Variants in ZNF778 observed in about 807,000 individuals in gnomAD.
The protein encoded by ZNF778 is zinc finger protein 778.
In ZNF778, 37 loss-of-function variants were observed where a neutral mutation model predicts 23.9. That is an observed-to-expected ratio of 1.54 (90% CI 1.19 to 2.03). The LOEUF (loss-of-function observed/expected upper bound fraction) is 2.03. ZNF778 is among the 30% of genes most tolerant of loss of function. The pLI, the probability that ZNF778 is intolerant of heterozygous loss-of-function variation, is 0.00. For missense variants in ZNF778, 1,297 were observed against 934.4 expected, an observed-to-expected ratio of 1.39 and a Z score of -5.06; for synonymous variants, 483 against 343.9, an observed-to-expected ratio of 1.40 and a Z score of -4.48.
rs561600712 is a variant in ZNF778, at chr16:89,234,102, C to T, written c.*5540C>T. The T allele has an allele frequency of 1.1e-4, 60 of 526,820 alleles. No individual in the cohort carries two copies. The highest frequency in any genetic ancestry group is 8.1e-4 in the African/African-American group (42 of 51,604). The allele number at this position is 526,820 out of a possible 1,614,324, so 32.6% of individuals were successfully genotyped here. A position where few individuals can be genotyped will look rare whatever the true frequency, so the allele number is the denominator to read the frequency against. ...TTGGGCCCTGCCTGGAGTGATGTGCCGCCTTCTCTTGACACTGTGAGTGAT... is the reference window on the plus strand; with the variant it reads ...TTGGGCCCTGCCTGGAGTGATGTGCTGCCTTCTCTTGACACTGTGAGTGAT... On this transcript the variant is annotated 3_prime_UTR_variant, in exon 7 of 7. Transcript: ENST00000433976.
At position 89,230,093 on chromosome 16, in the gene ZNF778, G is replaced by A. The variant is rs1177411856; in HGVS notation, c.*1531G>A. 12 of 930,108 alleles carry A rather than the reference G, an allele frequency of 1.3e-5. No homozygotes were observed. The highest frequency in any genetic ancestry group is 6.2e-5 in the Admixed American group (1 of 16,198). The allele number at this position is 930,108 out of a possible 1,614,324, so 57.6% of individuals were successfully genotyped here. On this transcript the variant is annotated 3_prime_UTR_variant, in exon 7 of 7. Coordinates refer to ENST00000433976, the MANE Select transcript of ZNF778 (RefSeq NM_001201407.2). ...GTTGGTTAGTCATGCTCTTAGGCAT[G>A]ACCCACCTGTAGGGTCCCACACTGG... is the stretch of plus-strand genomic sequence containing the variant.
intron 6 of ZNF778, among the ~76,000 whole-genome samples, chr16:89,225,993 C>A (rs1169391421): frequency 6.6e-6 from 1 of 151,300 alleles, no homozygotes; most frequent in African/African-American, 2.4e-5. Flanking sequence ...CTCACTGCAA[C>A]CTCCGCCTCC....
In ZNF778 at chr16:89,229,740, A is replaced by T; in HGVS notation, c.*1178A>T. 1.0e-6 allele frequency: 1 copy of T among 982,546 alleles called. No individual in the cohort carries two copies. Among genetic ancestry groups the T allele is most frequent in the Non-Finnish European group, 1.2e-6 (1 of 829,568 alleles). 60.9% of individuals were successfully genotyped at this position (982,546 alleles called of 1,614,324 possible). On this transcript the variant is annotated 3_prime_UTR_variant, in exon 7 of 7. Coordinates refer to ENST00000433976, the MANE Select transcript of ZNF778 (RefSeq NM_001201407.2). ...AGATGTGATCCTGTGTGAGCAGCGTAGGCTCTGGTTGGTTAGTCTTGAGGA... is the reference window on the plus strand; with the variant it reads ...AGATGTGATCCTGTGTGAGCAGCGTTGGCTCTGGTTGGTTAGTCTTGAGGA...
In ZNF778 at chr16:89,230,400, C is replaced by G. The variant is rs1398271797; in HGVS notation, c.*1838C>G. The G allele has an allele frequency of 6.6e-6, 1 of 152,316 alleles. No homozygotes were observed. Among genetic ancestry groups the G allele is most frequent in the African/African-American group, 2.4e-5 (1 of 41,446 alleles). The allele number at this position is 152,316 out of a possible 1,614,324, so 9.4% of individuals were successfully genotyped here. On this transcript the variant is annotated 3_prime_UTR_variant, in exon 7 of 7. Transcript: ENST00000433976. The stretch of plus-strand genomic sequence containing the variant: ...TCCTCTTCACAGCATGCAGAGCGGT[C>G]CTGGCAGCTGCTGCAATCTGGCACT...
intron 5 of ZNF778, among the ~76,000 whole-genome samples, 165 bp from the exon 6 acceptor site, chr16:89,225,390 T>C (rs1477969801): frequency 1.3e-5 from 2 of 152,212 alleles, no homozygotes; most frequent in Non-Finnish European, 2.9e-5. Context: ...CAAATGTATT[T>C]TAAAATCTTC....
At position 89,227,973 on chromosome 16, in the gene ZNF778, T is replaced by C. The variant is rs28415940; in HGVS notation, c.1685T>C (p.Ile562Thr). The part of the protein sequence containing the change: ...VKTHTEEKPF[I>T]CTVCRKSFRN... ...ACTCACACAGAGGAGAAGCCCTTTATATGTACGGTATGCAGGAAATCCTTC... is the reference window on the plus strand; with the variant it reads ...ACTCACACAGAGGAGAAGCCCTTTACATGTACGGTATGCAGGAAATCCTTC... Residue 562 changes from isoleucine to threonine, a missense_variant, in exon 7 of 7, where the codon ATA becomes ACA. Ile to Thr is a moderately conservative substitution (Grantham distance 89, BLOSUM62 -1). Coordinates refer to ENST00000433976, the MANE Select transcript of ZNF778 (RefSeq NM_001201407.2). 0.85 allele frequency: 1,377,849 copies of C among 1,613,836 alleles called. 594,364 individuals are homozygous for C. The highest frequency in any genetic ancestry group is 0.89 in the Non-Finnish European group (1,052,106 of 1,179,926).
In ZNF778 at chr16:89,224,650, C is replaced by G. The variant is rs1382418958; in HGVS notation, c.245-69C>G. 3.6e-6 allele frequency: 4 copies of G among 1,111,536 alleles called. No homozygotes were observed. In the East Asian group the frequency reaches 1.0e-4, roughly 29 times the overall value. 68.9% of individuals were successfully genotyped at this position (1,111,536 alleles called of 1,614,324 possible). ...TAATAAAAAAAAGGAAATGTAGTTC[C>G]TGTTCACGGGTAGGTTTGTCATCCC... On this transcript the variant is annotated intron_variant, in intron 4 of 6. Transcript: ENST00000433976.
rs1479685769 is a variant in ZNF778, at chr16:89,228,180, A to C, written c.1892A>C (p.His631Pro). 5.6e-6 allele frequency: 9 copies of C among 1,613,178 alleles called. No individual in the cohort carries two copies. The South Asian group carries it at 7.7e-5, about 14-fold the overall frequency. Residue 631 changes from histidine to proline, a missense_variant, in exon 7 of 7, where the codon CAC (histidine) becomes CCC (proline). His to Pro is a moderately conservative substitution (Grantham distance 77, BLOSUM62 -2). Transcript: ENST00000433976. Reference sequence around the variant, plus strand: ...GGAAAGGCCTTCACCACATCCTCACACCTTATCGTGCACATAAGAACCCAC... The same window carrying C: ...GGAAAGGCCTTCACCACATCCTCACCCCTTATCGTGCACATAAGAACCCAC... ...VCGKAFTTSS[H>P]LIVHIRTHTG...
Position 89,230,116 on chromosome 16 carries a change from T to C in ZNF778, c.*1554T>C. 5.1e-6 allele frequency: 4 copies of C among 787,752 alleles called. No individual in the cohort carries two copies. Among genetic ancestry groups the C allele is most frequent in the Non-Finnish European group, 6.1e-6 (4 of 650,814 alleles). The allele number at this position is 787,752 out of a possible 1,614,324, so 48.8% of individuals were successfully genotyped here. On this transcript the variant is annotated 3_prime_UTR_variant, in exon 7 of 7. Coordinates refer to ENST00000433976, the MANE Select transcript of ZNF778 (RefSeq NM_001201407.2). Reference sequence around the variant, plus strand: ...ATGACCCACCTGTAGGGTCCCACACTGGCCAATGTTGGGGCATAACACAGC... The same window carrying C: ...ATGACCCACCTGTAGGGTCCCACACCGGCCAATGTTGGGGCATAACACAGC...
chr16:89,219,191 A>G (rs962595203), intron 1 of ZNF778, among the ~76,000 whole-genome samples: 2 of 152,194 alleles, frequency 1.3e-5, no homozygotes, highest in Non-Finnish European at 1.5e-5. Context: ...CATTTTTCCA[A>G]CATTGCGCTG....
At chr16:89,224,853 G>C in intron 5 of ZNF778, 51 bp downstream of exon 5, 1 of 1,304,012 alleles carries the variant, frequency 7.7e-7, no homozygotes, top group Non-Finnish European at 1.1e-6. Flanking sequence ...AGCTGTGGGA[G>C]GATCCTGAGT....
In ZNF778 at chr16:89,222,170, T is replaced by C. The variant is rs2031020586; in HGVS notation, c.104T>C (p.Ile35Thr). The part of the protein sequence containing the change: ...QAAGMVAGWL[I>T]NCYQDAVTFD... ...GCAGGGATGGTGGCTGGCTGGCTGA[T>C]AAATTGTTACCAGGTATGCCAAAAC... Residue 35 changes from isoleucine to threonine, a missense_variant, in exon 3 of 7, where the codon ATA (isoleucine) becomes ACA (threonine). Coordinates refer to ENST00000433976, the MANE Select transcript of ZNF778 (RefSeq NM_001201407.2). 6.2e-7 allele frequency: 1 copy of C among 1,605,524 alleles called. No homozygotes were observed. The highest frequency in any genetic ancestry group is 8.5e-7 in the Non-Finnish European group (1 of 1,174,590).
chr16:89,220,987 T>C lies in ZNF778; in HGVS notation c.-131-10T>C, dbSNP rs1241903845. On this transcript the variant is annotated splice_polypyrimidine_tract_variant and intron_variant, in intron 1 of 6. Transcript: ENST00000433976. ...ACTGGGAAGTAATGCTTCTTCATCA[T>C]GATTGCTAGGAAATAGGGATCCAGC... 21 of 846,738 alleles carry C rather than the reference T, an allele frequency of 2.5e-5. No homozygotes were observed. Among genetic ancestry groups the C allele is most frequent in the South Asian group, 1.1e-4 (7 of 62,894 alleles). 52.5% of individuals were successfully genotyped at this position (846,738 alleles called of 1,614,324 possible).
At chr16:89,220,229 A>G (rs1324684499) in intron 1 of ZNF778, among the ~76,000 whole-genome samples, 1 of 152,210 alleles carries the variant, frequency 6.6e-6, no homozygotes, top group African/African-American at 2.4e-5. Context: ...TACAGTTTAT[A>G]CAAGGAGAAT....
chr16:89,229,199 G>A lies in ZNF778; in HGVS notation c.*637G>A. On this transcript the variant is annotated 3_prime_UTR_variant, in exon 7 of 7. Coordinates refer to ENST00000433976, the MANE Select transcript of ZNF778 (RefSeq NM_001201407.2). ...GCCTTGAGGACTCAGATGTGATCCT[G>A]TGTGAGCAGTGTAGGCTCTGGTTGG... 1 of 985,816 alleles carries A rather than the reference G, an allele frequency of 1.0e-6. No individual in the cohort carries two copies. The highest frequency in any genetic ancestry group is 1.2e-6 in the Non-Finnish European group (1 of 830,226). The allele number at this position is 985,816 out of a possible 1,614,324, so 61.1% of individuals were successfully genotyped here. A position where few individuals can be genotyped will look rare whatever the true frequency, so the allele number is the denominator to read the frequency against.
chr16:89,222,187 T>C lies in ZNF778; in HGVS notation c.117+4T>C, dbSNP rs752582588. 1.9e-6 allele frequency: 3 copies of C among 1,593,074 alleles called. No individual in the cohort carries two copies. The highest frequency in any genetic ancestry group is 2.2e-5 in the South Asian group (2 of 88,920). On this transcript the variant is annotated splice_donor_region_variant and intron_variant, in intron 3 of 6. Coordinates refer to ENST00000433976, the MANE Select transcript of ZNF778 (RefSeq NM_001201407.2). ...CTGGCTGATAAATTGTTACCAGGTA[T>C]GCCAAAACTGTATTTTTTCTTAAAA...
chr16:89,221,094 A>G lies in ZNF778; in HGVS notation c.-34A>G. ...CCTGCAGTGGCCTTGGCTTCAGGAA[A>G]GGAGCATTCAGACGCTTCCGTCAGC... On this transcript the variant is annotated 5_prime_UTR_variant, in exon 2 of 7. Transcript: ENST00000433976. The G allele has an allele frequency of 1.3e-6, 2 of 1,562,008 alleles. No homozygotes were observed. Among genetic ancestry groups the G allele is most frequent in the Non-Finnish European group, 1.7e-6 (2 of 1,152,724 alleles).
rs118093429 is a variant in ZNF778, at chr16:89,228,390, A to C, written c.2102A>C (p.Tyr701Ser). The stretch of plus-strand genomic sequence containing the variant: ...AGAATTCACACTGGGCAGAAACCCT[A>C]TAAATGTAAGGAATGTGGGAAAGCA... ...HGRIHTGQKP[Y>S]KCKECGKAYN... Residue 701 changes from tyrosine (Y) to serine (S), a missense_variant, in exon 7 of 7, where the codon TAT becomes TCT. Physicochemically the swap from Tyr to Ser is moderately radical, Grantham distance 144. Transcript: ENST00000433976. The C allele has an allele frequency of 6.2e-7, 1 of 1,613,866 alleles. No individual in the cohort carries two copies. Among genetic ancestry groups the C allele is most frequent in the East Asian group, 2.2e-5 (1 of 44,878 alleles).
At position 89,227,839 on chromosome 16, in the gene ZNF778, C is replaced by G. The variant is rs1277862785; in HGVS notation, c.1551C>G (p.Arg517=). ...AGTGTGGCAAAGCCTTCACAGGGCG[C>G]TCAGGCCTCACTAAACACATGCGGA... is the stretch of plus-strand genomic sequence containing the variant. ...CKQCGKAFTG[R]SGLTKHMRTH... The change falls in exon 7 of 7, where the codon CGC becomes CGG. Residue 517 remains arginine, a synonymous_variant. Transcript: ENST00000433976. The G allele has an allele frequency of 6.2e-7, 1 of 1,614,032 alleles. No individual in the cohort carries two copies. The highest frequency in any genetic ancestry group is 1.1e-5 in the South Asian group (1 of 91,080).
Sources: allele counts gnomAD v4.1 joint callset (sites outside exome capture counted in the v4.1 genomes callset), GRCh38; gene constraint gnomAD v4.1.1; transcripts MANE v1.5; gene names NCBI Gene and HGNC (gene_info 2026-07-23, HGNC 2026-07-21).